Variants in NLGN1 observed in about 807,000 individuals in gnomAD.
NLGN1 encodes neuroligin-1.
In NLGN1, 12 loss-of-function variants were observed where a neutral mutation model predicts 65.5. The ratio of observed to expected loss-of-function variants is 0.18; its 90% CI spans 0.12 to 0.30. The LOEUF (loss-of-function observed/expected upper bound fraction) is 0.30, where lower values mean the gene tolerates loss of function less well. Ranked by LOEUF, NLGN1 falls within the 10% of genes least tolerant of loss-of-function variation. The pLI is 1.00. For synonymous variants in NLGN1, 350 were observed against 359.5 expected (o/e 0.97, Z 0.30); for missense variants, 750 against 1,007.1 (o/e 0.74, Z 3.46).
chr3:173,834,962 A>G (rs1723322002), intron 4 of NLGN1, among the ~76,000 whole-genome samples: 1 of 152,210 alleles, frequency 6.6e-6, no homozygotes, highest in South Asian at 2.1e-4. Context: ...AAACCAGAAT[A>G]AAGGCCATTG....
Position 173,729,654 on chromosome 3 carries a change from A to G in NLGN1, c.494-78026A>G, listed in dbSNP as rs78321838. Among the ~76,000 whole-genome samples the G allele has an allele frequency of 5.3e-3, 811 of 152,222 alleles. 2 individuals carry two copies. The highest frequency in any genetic ancestry group is 8.6e-3 in the Non-Finnish European group (586 of 67,996). On this transcript the variant is annotated intron_variant, in intron 3 of 6. Coordinates refer to ENST00000457714, the Ensembl canonical transcript of NLGN1. ...GAATTTCTGCTGCTTGTAAAAGAAT[A>G]ACATTGCTAAGTTTAATTTTTACGG... is the stretch of plus-strand genomic sequence containing the variant.
chr3:174,015,535 A>G (rs2152449447), intron 4 of NLGN1, among the ~76,000 whole-genome samples: 1 of 152,322 alleles, frequency 6.6e-6, no homozygotes, highest in South Asian at 2.1e-4. Context: ...CAAAGGCCCC[A>G]TCTCCAAATA....
At chr3:173,863,575 G>A (rs1578859551) in intron 4 of NLGN1, among the ~76,000 whole-genome samples, 1 of 152,110 alleles carries the variant, frequency 6.6e-6, no homozygotes, top group African/African-American at 2.4e-5. Flanking sequence ...ATCTTTAATA[G>A]ACAATAAGCC....
intron 2 of NLGN1, among the ~76,000 whole-genome samples, chr3:173,489,243 C>T (rs1040895655): frequency 2.0e-5 from 3 of 151,780 alleles, no homozygotes; most frequent in East Asian, 1.9e-4. Flanking sequence ...CTTACCCCCA[C>T]CCCACAACAG....
At chr3:174,194,241 G>A (rs1377717449) in intron 4 of NLGN1, among the ~76,000 whole-genome samples, 4 of 151,876 alleles carry the variant, frequency 2.6e-5, no homozygotes, top group South Asian at 2.1e-4. Flanking sequence ...GACGGATAAC[G>A]AAGTCAAGAG....
At chr3:173,973,169 G>A (rs1029645172) in intron 4 of NLGN1, among the ~76,000 whole-genome samples, 3 of 152,048 alleles carry the variant, frequency 2.0e-5, no homozygotes, top group Non-Finnish European at 4.4e-5. Flanking sequence ...ACAATCTCTA[G>A]CATATTGAAA....
intron 3 of NLGN1, among the ~76,000 whole-genome samples, chr3:173,747,361 TAAAGA>T (rs1438918494): frequency 1.2e-5 from 1 of 80,548 alleles, no homozygotes; most frequent in Admixed American, 1.4e-4. Context: ...TATATATACT[TAAAGA>T]TATATATATA....
chr3:173,835,260 C>T lies in NLGN1; in HGVS notation c.646+27428C>T, dbSNP rs181674557. Among the ~76,000 whole-genome samples the T allele has an allele frequency of 5.7e-4, 86 of 152,170 alleles. 1 individual carries two copies. Among genetic ancestry groups the T allele is most frequent in the Admixed American group, 1.9e-3 (29 of 15,268 alleles). ...TCTGGACTTTGATATATCGTGGTTG[C>T]TTCACTCTTGTATCATATAAGAAAT... On this transcript the variant is annotated intron_variant, in intron 4 of 6. Transcript: ENST00000457714.
chr3:173,421,115 TTAAA>T (rs1311301563), intron 1 of NLGN1, among the ~76,000 whole-genome samples: 1 of 152,152 alleles, frequency 6.6e-6, no homozygotes, highest in African/African-American at 2.4e-5. Flanking sequence ...TAAGGAAATG[TTAAA>T]TAACCTCACA....
intron 4 of NLGN1, among the ~76,000 whole-genome samples, chr3:174,167,760 T>G (rs920787768): frequency 1.3e-5 from 2 of 151,926 alleles, no homozygotes; most frequent in African/African-American, 4.8e-5. Flanking sequence ...CTAGAAAGAT[T>G]AGAGAAGTTT....
At chr3:174,141,727 A>G (rs975575223) in intron 4 of NLGN1, among the ~76,000 whole-genome samples, 9 of 152,194 alleles carry the variant, frequency 5.9e-5, no homozygotes, top group African/African-American at 1.9e-4. Flanking sequence ...TGAAGCCTGC[A>G]GTCTGCTAGA....
At chr3:173,856,080 C>T (rs1382674150) in intron 4 of NLGN1, among the ~76,000 whole-genome samples, 1 of 152,082 alleles carries the variant, frequency 6.6e-6, no homozygotes, top group Non-Finnish European at 1.5e-5. Context: ...TTTTAATTTA[C>T]TCAGCTGTGT....
chr3:174,234,770 C>T (rs1223977333), intron 4 of NLGN1, among the ~76,000 whole-genome samples: 1 of 152,162 alleles, frequency 6.6e-6, no homozygotes, highest in African/African-American at 2.4e-5. Context: ...GAAACAAAAG[C>T]ATATGAAATT....
intron 4 of NLGN1, among the ~76,000 whole-genome samples, chr3:174,191,273 G>A (rs1423973105): frequency 6.6e-6 from 1 of 152,066 alleles, no homozygotes; most frequent in Non-Finnish European, 1.5e-5. Flanking sequence ...CTCTATCAAA[G>A]TTCTACTTGC....
rs114954585 is a variant in NLGN1, at chr3:173,561,628, C to T, written c.-320-42651C>T. 3.3e-3 allele frequency among the ~76,000 whole-genome samples: 498 copies of T among 152,190 alleles called. 1 individual carries two copies. The highest frequency in any genetic ancestry group is 0.011 in the African/African-American group (459 of 41,514). On this transcript the variant is annotated intron_variant, in intron 2 of 6. Transcript: ENST00000457714. ...ATTAATTAAAATTAGAGACCAAATA[C>T]TATAATAAATATTAGTTAAAGACTT...
At chr3:173,520,837 A>G (rs1208693479) in intron 2 of NLGN1, among the ~76,000 whole-genome samples, 2 of 152,242 alleles carry the variant, frequency 1.3e-5, no homozygotes, top group Non-Finnish European at 1.5e-5. Context: ...AGCTACTTTT[A>G]TAACTAGAAT....
intron 3 of NLGN1, among the ~76,000 whole-genome samples, chr3:173,667,874 G>T (rs886481004): frequency 6.6e-6 from 1 of 151,964 alleles, no homozygotes; most frequent in Non-Finnish European, 1.5e-5. Flanking sequence ...CTCATGATCC[G>T]CTTGTCTTGG....
chr3:174,032,406 G>A (rs1156787186), intron 4 of NLGN1, among the ~76,000 whole-genome samples: 1 of 152,132 alleles, frequency 6.6e-6, no homozygotes, highest in Non-Finnish European at 1.5e-5. Context: ...AGCTCTTTAG[G>A]TGGTATCAAT....
intron 2 of NLGN1, among the ~76,000 whole-genome samples, chr3:173,512,484 C>T (rs1733136788): frequency 6.6e-6 from 1 of 152,174 alleles, no homozygotes. Flanking sequence ...CTCTCTCTGA[C>T]ATCCAGGTGC....
Sources: gnomAD v4.1 joint callset for allele counts (sites outside exome capture counted in the v4.1 genomes callset) on GRCh38, gnomAD v4.1.1 for gene constraint, MANE v1.5 for transcripts, NCBI Gene and HGNC (gene_info 2026-07-23, HGNC 2026-07-21) for gene names.